The following GLIS1 variants were observed in gnomAD, a reference collection of about 807,000 sequenced individuals.
The protein encoded by GLIS1 is GLIS family zinc finger 1, also known as zinc finger protein GLIS1.
A neutral mutation model predicts 63.8 loss-of-function variants in GLIS1; 24 were observed. The observed-to-expected ratio is 0.38, with a 90% CI of 0.27 to 0.53. The LOEUF is 0.53. Ranked by LOEUF, GLIS1 falls within the 20% of genes least tolerant of loss-of-function variation. The probability of loss-of-function intolerance (pLI) is 0.85; values close to 1 mark genes in which losing one functional copy is unlikely to be tolerated. For missense variants in GLIS1, 1,036 were observed against 1,074.1 expected (o/e 0.96, Z 0.50); for synonymous variants, 450 against 482.5 (o/e 0.93, Z 0.88).
intron 2 of GLIS1, among the ~76,000 whole-genome samples, chr1:53,666,761 A>G (rs1474051566): frequency 2.0e-5 from 3 of 151,502 alleles, no homozygotes; most frequent in Non-Finnish European, 4.4e-5. Flanking sequence ...ATCCCTTCCC[A>G]TCGGCAGGTC....
intron 2 of GLIS1, among the ~76,000 whole-genome samples, chr1:53,630,031 A>AT (rs1401844938): frequency 6.6e-6 from 1 of 152,176 alleles, no homozygotes; most frequent in Non-Finnish European, 1.5e-5. Flanking sequence ...TGATATATTC[A>AT]TTTTTTCACT....
chr1:53,589,797 C>T (rs1486398647), intron 4 of GLIS1, among the ~76,000 whole-genome samples: 2 of 152,184 alleles, frequency 1.3e-5, no homozygotes, highest in Non-Finnish European at 2.9e-5. Context: ...TCCAGCTGCC[C>T]CAGCCTAGCT....
intron 7 of GLIS1, among the ~76,000 whole-genome samples, chr1:53,519,021 C>T (rs1370013715): frequency 5.3e-5 from 8 of 152,258 alleles, no homozygotes; most frequent in Admixed American, 6.5e-5. Context: ...TGCTCCTCCA[C>T]AACAGCTTTC....
At chr1:53,730,518 C>T (rs1416833704) in intron 2 of GLIS1, among the ~76,000 whole-genome samples, 1 of 152,122 alleles carries the variant, frequency 6.6e-6, no homozygotes, top group African/African-American at 2.4e-5. Context: ...CTTGCTAAAG[C>T]CTGATTTCTA....
chr1:53,627,792 G>A (rs1645611729), intron 2 of GLIS1, among the ~76,000 whole-genome samples: 2 of 152,160 alleles, frequency 1.3e-5, no homozygotes, highest in Admixed American at 6.5e-5. Context: ...ATAAGCACTA[G>A]CATTATGTAC....
intron 2 of GLIS1, among the ~76,000 whole-genome samples, chr1:53,669,271 T>C (rs1209365711): frequency 2.0e-5 from 3 of 152,130 alleles, no homozygotes; most frequent in Admixed American, 6.5e-5. Context: ...TCAAGTGCCA[T>C]GGGGGCTACA....
At chr1:53,532,404 C>A (rs189415273) in intron 4 of GLIS1, among the ~76,000 whole-genome samples, 17 of 152,164 alleles carry the variant, frequency 1.1e-4, no homozygotes, top group South Asian at 2.1e-4. Flanking sequence ...CTGCGCCTGT[C>A]CCCTGGAAGC....
At chr1:53,509,620 C>A (rs1003354177) in intron 9 of GLIS1, among the ~76,000 whole-genome samples, 2 of 152,172 alleles carry the variant, frequency 1.3e-5, no homozygotes, top group African/African-American at 4.8e-5. Context: ...CCTTTGCTGC[C>A]TTGTCCAGAA....
intron 4 of GLIS1, among the ~76,000 whole-genome samples, chr1:53,557,325 G>A (rs1420426092): frequency 1.3e-5 from 2 of 152,092 alleles, no homozygotes; most frequent in Non-Finnish European, 2.9e-5. Flanking sequence ...TCCCTATTTT[G>A]CAGATAAAGA....
At chr1:53,581,821 G>A (rs1218637355) in intron 4 of GLIS1, among the ~76,000 whole-genome samples, 1 of 152,068 alleles carries the variant, frequency 6.6e-6, no homozygotes, top group African/African-American at 2.4e-5. Context: ...GGGCCAGAGA[G>A]CTCAGGAGGG....
chr1:53,636,777 G>T (rs1251999907), intron 2 of GLIS1, among the ~76,000 whole-genome samples: 1 of 152,166 alleles, frequency 6.6e-6, no homozygotes, highest in Non-Finnish European at 1.5e-5. Flanking sequence ...GGCCTTCTGG[G>T]AGCCCATGCA....
At chr1:53,552,031 A>G (rs1644765371) in intron 4 of GLIS1, among the ~76,000 whole-genome samples, 1 of 152,016 alleles carries the variant, frequency 6.6e-6, no homozygotes, top group South Asian at 2.1e-4. Flanking sequence ...GCAACCATAC[A>G]CATCCCAACA....
At chr1:53,728,852 G>A (rs1187373509) in intron 2 of GLIS1, among the ~76,000 whole-genome samples, 1 of 152,232 alleles carries the variant, frequency 6.6e-6, no homozygotes, top group East Asian at 1.9e-4. Flanking sequence ...GGCCTTGAAT[G>A]CCAGATCAAA....
In GLIS1 at chr1:53,509,976, C is replaced by G; in HGVS notation, c.1935G>C (p.Gly645=). 1.5e-6 allele frequency: 2 copies of G among 1,291,892 alleles called. No homozygotes were observed. The highest frequency in any genetic ancestry group is 2.0e-6 in the Non-Finnish European group (2 of 1,011,784). 80.0% of individuals were successfully genotyped at this position (1,291,892 alleles called of 1,614,324 possible). The change falls in exon 9 of 11, where the codon GGG becomes GGC. Residue 645 remains glycine (G), a synonymous_variant. Coordinates refer to ENST00000628545, the MANE Select transcript of GLIS1 (RefSeq NM_001367484.1). ...GAGAGGATGGGGGCAGCGGCGGTGG[C>G]CCCAGCCCCTTCAGGGGGCTGACTA... ...SPIVSPLKGL[G]PPPLPPSSQS... is the part of the protein sequence containing the mutation.
At chr1:53,595,749 C>T (rs1053359926) in intron 3 of GLIS1, among the ~76,000 whole-genome samples, 16 of 152,190 alleles carry the variant, frequency 1.1e-4, no homozygotes, top group Non-Finnish European at 2.2e-4. Flanking sequence ...TTAACTTCTA[C>T]AAATGCTAAT....
At chr1:53,606,778 C>T (rs1645373803) in intron 2 of GLIS1, among the ~76,000 whole-genome samples, 1 of 152,246 alleles carries the variant, frequency 6.6e-6, no homozygotes, top group Non-Finnish European at 1.5e-5. Flanking sequence ...GAACAGCAGG[C>T]CTGACGCTCG....
chr1:53,649,391 T>G (rs758070887), intron 2 of GLIS1, among the ~76,000 whole-genome samples: 1 of 152,230 alleles, frequency 6.6e-6, no homozygotes, highest in African/African-American at 2.4e-5. Context: ...GCTCAAGTGT[T>G]GTGAGTATCT....
At chr1:53,682,420 A>ATG (rs61607713) in intron 2 of GLIS1, among the ~76,000 whole-genome samples, 14,982 of 152,274 alleles carry the variant, frequency 0.098, 1,482 homozygotes, top group African/African-American at 0.26. Flanking sequence ...CATTCTGTAG[A>ATG]TGACTGAAGT....
At chr1:53,656,067 C>T (rs1042286399) in intron 2 of GLIS1, among the ~76,000 whole-genome samples, 2 of 152,238 alleles carry the variant, frequency 1.3e-5, no homozygotes, top group African/African-American at 2.4e-5. Context: ...CTGCTGGGAT[C>T]TGGCCAACTG....
Sources: gnomAD v4.1 joint callset for allele counts (sites outside exome capture counted in the v4.1 genomes callset) on GRCh38, gnomAD v4.1.1 for gene constraint, MANE v1.5 for transcripts, NCBI Gene and HGNC (gene_info 2026-07-23, HGNC 2026-07-21) for gene names.